Variants in KIF26B observed in about 807,000 individuals in gnomAD.
KIF26B encodes the protein kinesin family member 26B.
KIF26B carries 63 observed loss-of-function variants against 151.2 expected under a neutral mutation model. The ratio of observed to expected loss-of-function variants is 0.42; its 90% confidence interval spans 0.34 to 0.51. The LOEUF (loss-of-function observed/expected upper bound fraction) is 0.51, where lower values mean the gene tolerates loss of function less well. Among genes scored for constraint, KIF26B ranks in the 20% least tolerant of loss-of-function variants. KIF26B has a pLI of 0.07. For missense variants in KIF26B, 2,813 were observed against 2,913.6 expected (o/e 0.97, Z 0.79); for synonymous variants, 1,357 against 1,262.1 (o/e 1.08, Z -1.59).
intron 4 of KIF26B, among the ~76,000 whole-genome samples, chr1:245,424,072 A>C (rs1704420): frequency 0.12 from 18,912 of 152,014 alleles, 1,482 homozygotes; most frequent in African/African-American, 0.22. Flanking sequence ...TTGAACACCT[A>C]GGCTCAAGCA....
intron 2 of KIF26B, among the ~76,000 whole-genome samples, chr1:245,229,210 G>A (rs562646293): frequency 5.1e-4 from 78 of 152,188 alleles, no homozygotes; most frequent in Non-Finnish European, 8.5e-4. Context: ...GACCTCATGT[G>A]ATCCACCCAC....
intron 2 of KIF26B, among the ~76,000 whole-genome samples, chr1:245,296,999 C>T (rs189012484): frequency 4.6e-5 from 7 of 152,284 alleles, no homozygotes; most frequent in African/African-American, 1.7e-4. Context: ...ATAGTATGAA[C>T]TGTGTTAATA....
chr1:245,303,445 G>A (rs12727833), intron 2 of KIF26B, among the ~76,000 whole-genome samples: 13,527 of 150,556 alleles, frequency 0.09, 720 homozygotes, highest in Middle Eastern at 0.11. Context: ...TGATCCGCCC[G>A]CCTCGGCCTC....
intron 4 of KIF26B, among the ~76,000 whole-genome samples, chr1:245,456,967 G>A (rs1659546541): frequency 1.3e-5 from 2 of 152,206 alleles, no homozygotes. Flanking sequence ...CTGGGTTCAA[G>A]CGATTCTCCT....
intron 5 of KIF26B, among the ~76,000 whole-genome samples, chr1:245,571,367 AAG>A (rs1286928126): frequency 2.0e-5 from 3 of 152,186 alleles, no homozygotes; most frequent in African/African-American, 7.2e-5. Context: ...CCCAGCTCTG[AAG>A]AGTTATTTGG....
At chr1:245,574,547 G>T (rs1253513844) in intron 5 of KIF26B, among the ~76,000 whole-genome samples, 1 of 152,196 alleles carries the variant, frequency 6.6e-6, no homozygotes, top group East Asian at 1.9e-4. Flanking sequence ...CCATGAACAG[G>T]CTGGTTGCTC....
At position 245,606,049 on chromosome 1, in the gene KIF26B, C is replaced by T. The variant is rs1444101256; in HGVS notation, c.1558-1602C>T. Among the ~76,000 whole-genome samples, 3 of 152,210 alleles carry T rather than the reference C, an allele frequency of 2.0e-5. No homozygotes were observed. The highest frequency in any genetic ancestry group is 7.2e-5 in the African/African-American group (3 of 41,468). The stretch of plus-strand genomic sequence containing the variant: ...TTCTGCCTGCTCTGCAGACACGCCT[C>T]TGGCAAATTCCATCAAGACGCTACT... On this transcript the variant is annotated intron_variant, in intron 6 of 14. Transcript: ENST00000407071. This position sits in a 1 kb window ranked among gnomAD's most constrained non-coding sequence, Gnocchi z 4.6.
chr1:245,558,554 G>A (rs1331489261), intron 5 of KIF26B, among the ~76,000 whole-genome samples: 1 of 152,186 alleles, frequency 6.6e-6, no homozygotes, highest in Admixed American at 6.5e-5. Flanking sequence ...GCTCTAAGTG[G>A]GCATTTATTT....
chr1:245,299,320 GTTTTTTTT>G (rs55957858), intron 2 of KIF26B, among the ~76,000 whole-genome samples: 1 of 103,196 alleles, frequency 9.7e-6, no homozygotes, highest in Non-Finnish European at 1.9e-5. Flanking sequence ...CCAATTCTGG[GTTTTTTTT>G]TTTTTTTTTT....
At chr1:245,582,488 T>C (rs1359934625) in intron 5 of KIF26B, among the ~76,000 whole-genome samples, 1 of 152,182 alleles carries the variant, frequency 6.6e-6, no homozygotes, top group African/African-American at 2.4e-5. Flanking sequence ...GAAATATGTT[T>C]CAGCATTACT....
intron 8 of KIF26B, 34 bp from the exon 9 acceptor site, chr1:245,611,759 C>T: frequency 6.2e-7 from 1 of 1,600,012 alleles, no homozygotes; most frequent in African/African-American, 1.3e-5. Flanking sequence ...CCCTCCTCAG[C>T]CTGCAGCCTC....
At chr1:245,642,560 CAGAAAAAA>C (rs2043904272) in intron 9 of KIF26B, among the ~76,000 whole-genome samples, 1 of 69,368 alleles carries the variant, frequency 1.4e-5, no homozygotes, top group African/African-American at 7.0e-5. Flanking sequence ...GACTCCGTCT[CAGAAAAAA>C]AAAAAAAAAA....
chr1:245,701,408 T>G (rs1336942880), intron 14 of KIF26B, among the ~76,000 whole-genome samples: 2 of 152,164 alleles, frequency 1.3e-5, no homozygotes, highest in African/African-American at 2.4e-5. Flanking sequence ...TGTCTCCTTT[T>G]GCTTTTTTGT....
chr1:245,443,756 A>C (rs1164261205), intron 4 of KIF26B, among the ~76,000 whole-genome samples: 5 of 89,524 alleles, frequency 5.6e-5, no homozygotes, highest in South Asian at 4.8e-4. Context: ...TCTAGAGGAG[A>C]GGTCATCTCC....
intron 2 of KIF26B, among the ~76,000 whole-genome samples, chr1:245,235,237 T>C (rs1670082998): frequency 6.6e-6 from 1 of 152,180 alleles, no homozygotes; most frequent in Non-Finnish European, 1.5e-5. Context: ...AAGGTAGGTG[T>C]CCTTTGTCAT....
intron 4 of KIF26B, among the ~76,000 whole-genome samples, chr1:245,478,739 C>A (rs1660098923): frequency 6.6e-6 from 1 of 151,572 alleles, no homozygotes; most frequent in Admixed American, 6.6e-5. Context: ...AAAAGGGTCG[C>A]TTTGGCTGCC....
chr1:245,297,048 G>A (rs192273309), intron 2 of KIF26B, among the ~76,000 whole-genome samples: 4 of 152,120 alleles, frequency 2.6e-5, no homozygotes, highest in African/African-American at 9.6e-5. Flanking sequence ...GATTCTCAAA[G>A]TAACTCTGTG....
At chr1:245,177,277 C>T (rs10924110) in intron 2 of KIF26B, among the ~76,000 whole-genome samples, 24,553 of 152,092 alleles carry the variant, frequency 0.16, 2,857 homozygotes, top group East Asian at 0.32. Context: ...TGTCCCATTC[C>T]CCCTGCCTTT....
intron 4 of KIF26B, among the ~76,000 whole-genome samples, chr1:245,486,141 G>C (rs1660275262): frequency 6.6e-6 from 1 of 152,216 alleles, no homozygotes; most frequent in Non-Finnish European, 1.5e-5. Context: ...GCAAAGCAAT[G>C]TTGGTTCTAA....
Sources: gnomAD v4.1 joint callset for allele counts (sites outside exome capture counted in the v4.1 genomes callset) on GRCh38, gnomAD v4.1.1 for gene constraint, Gnocchi (gnomAD v3.1) non-coding constraint, MANE v1.5 for transcripts, NCBI Gene and HGNC (gene_info 2026-07-23, HGNC 2026-07-21) for gene names.